The following FGF12 variants were observed in gnomAD, a reference collection of about 807,000 sequenced individuals.
The protein encoded by FGF12 is fibroblast growth factor 12B.
A neutral mutation model predicts 23.6 loss-of-function variants in FGF12; 14 were observed. The ratio of observed to expected loss-of-function variants is 0.59; its 90% CI spans 0.39 to 0.93. The LOEUF (loss-of-function observed/expected upper bound fraction) is 0.93. Among genes scored for constraint, FGF12 ranks in the 40% least tolerant of loss-of-function variants. The pLI is 0.00. For synonymous variants in FGF12, 62 were observed against 77.3 expected (o/e 0.80, Z 1.04); for missense variants, 175 against 217.8 (o/e 0.80, Z 1.24).
intron 2 of FGF12, among the ~76,000 whole-genome samples, chr3:192,430,558 G>C (rs1278038293): frequency 6.6e-6 from 1 of 152,176 alleles, no homozygotes; most frequent in African/African-American, 2.4e-5. Flanking sequence ...CAAAATGCCT[G>C]CAATTATTTC....
intron 2 of FGF12, among the ~76,000 whole-genome samples, chr3:192,472,452 G>A (rs1723202115): frequency 6.6e-6 from 1 of 152,026 alleles, no homozygotes; most frequent in South Asian, 2.1e-4. Flanking sequence ...TCCTAACACT[G>A]TCACTTCCAC....
chr3:192,388,579 A>AT (rs1720155768), intron 2 of FGF12, among the ~76,000 whole-genome samples: 1 of 152,192 alleles, frequency 6.6e-6, no homozygotes, highest in Non-Finnish European at 1.5e-5. Flanking sequence ...TAAGAAAGAT[A>AT]TATAACTTAT....
chr3:192,464,533 T>C (rs1308557567), intron 2 of FGF12, among the ~76,000 whole-genome samples: 1 of 151,124 alleles, frequency 6.6e-6, no homozygotes, highest in Non-Finnish European at 1.5e-5. Flanking sequence ...TGTGTGTGTG[T>C]GTGTGTGTGT....
intron 4 of FGF12, among the ~76,000 whole-genome samples, chr3:192,299,097 C>T (rs1715201940): frequency 6.6e-6 from 1 of 152,110 alleles, no homozygotes; most frequent in Non-Finnish European, 1.5e-5. Flanking sequence ...TTGAAGGGGA[C>T]AAATATCCAA....
chr3:192,418,211 C>T (rs767666021), intron 2 of FGF12, among the ~76,000 whole-genome samples: 16 of 152,058 alleles, frequency 1.1e-4, no homozygotes, highest in East Asian at 1.9e-4. Context: ...CTTTTGCTGC[C>T]GGTAATTAAT....
chr3:192,354,781 C>T (rs538278562), intron 3 of FGF12, among the ~76,000 whole-genome samples: 8 of 152,348 alleles, frequency 5.3e-5, no homozygotes, highest in Admixed American at 5.2e-4. Flanking sequence ...TCTCTGCTCA[C>T]TGCAACCTCC....
chr3:192,166,344 C>T (rs1005173342), intron 5 of FGF12, among the ~76,000 whole-genome samples: 1 of 152,132 alleles, frequency 6.6e-6, no homozygotes, highest in Non-Finnish European at 1.5e-5. Context: ...TCTGCAAGAA[C>T]TTTTATTTCT....
chr3:192,621,636 G>A (rs1714978044), intron 2 of FGF12, among the ~76,000 whole-genome samples: 1 of 136,938 alleles, frequency 7.3e-6, no homozygotes, highest in South Asian at 2.3e-4. Flanking sequence ...TTTGTTTAGG[G>A]AAGTAGCAGG....
chr3:192,437,669 C>T (rs1489766229), intron 2 of FGF12, among the ~76,000 whole-genome samples: 2 of 151,718 alleles, frequency 1.3e-5, no homozygotes, highest in African/African-American at 4.8e-5. Flanking sequence ...CCAGCCTGGG[C>T]GACAAAGCAA....
rs1713248903 is a variant in FGF12 at position 192,139,536 on chromosome 3, T to C, written c.*4473A>G. 3 of 152,150 alleles carry C rather than the reference T, an allele frequency of 2.0e-5. No individual in the cohort carries two copies. Among genetic ancestry groups the C allele is most frequent in the Non-Finnish European group, 2.9e-5 (2 of 67,976 alleles). The allele number at this position is 152,150 out of a possible 1,614,324, so 9.4% of individuals were successfully genotyped here. Reference sequence around the variant, plus strand: ...TTGGAGCTAATACCAATTCTAGCCATGGGAGTATGTTTTGGACTTTTTGAA... The same window carrying C: ...TTGGAGCTAATACCAATTCTAGCCACGGGAGTATGTTTTGGACTTTTTGAA... On this transcript the variant is annotated 3_prime_UTR_variant, in exon 6 of 6. Coordinates refer to ENST00000445105, the MANE Select transcript of FGF12 (RefSeq NM_004113.6).
In FGF12 at chr3:192,408,095, C is replaced by T. The variant is rs760933593; in HGVS notation, c.14-47557G>A. ...CTTTGCTGAACACCCCGAGGACGTG[C>T]CTCTCGCACAGGGAGCGCCCGTCTT... is the stretch of plus-strand genomic sequence containing the variant. On this transcript the variant is annotated intron_variant, in intron 2 of 5. Coordinates refer to ENST00000445105, the MANE Select transcript of FGF12 (RefSeq NM_004113.6). The surrounding 1 kb of genome is among the most constrained non-coding windows in gnomAD (Gnocchi z 7.3). 6.2e-7 allele frequency: 1 copy of T among 1,613,214 alleles called. No homozygotes were observed. Among genetic ancestry groups the T allele is most frequent in the African/African-American group, 1.3e-5 (1 of 75,074 alleles).
intron 4 of FGF12, among the ~76,000 whole-genome samples, chr3:192,304,082 A>C (rs1310338393): frequency 6.6e-6 from 1 of 152,188 alleles, no homozygotes; most frequent in Non-Finnish European, 1.5e-5. Flanking sequence ...GTTAACTAAC[A>C]ATTATTATCA....
intron 2 of FGF12, among the ~76,000 whole-genome samples, chr3:192,495,474 A>G (rs535578000): frequency 6.6e-6 from 1 of 152,178 alleles, no homozygotes; most frequent in Non-Finnish European, 1.5e-5. Flanking sequence ...TATATTATAT[A>G]TGTGTGTGTA....
intron 2 of FGF12, among the ~76,000 whole-genome samples, chr3:192,566,019 G>A (rs1712261732): frequency 6.6e-6 from 1 of 152,240 alleles, no homozygotes; most frequent in South Asian, 2.1e-4. Context: ...CCGGGAAGCA[G>A]AGGTTGCGGT....
At chr3:192,332,060 A>G (rs539116213) in intron 4 of FGF12, among the ~76,000 whole-genome samples, 2 of 152,270 alleles carry the variant, frequency 1.3e-5, no homozygotes, top group South Asian at 4.1e-4. Flanking sequence ...CACACAAACA[A>G]AAGTTCTATG....
chr3:192,615,575 G>A (rs746833830), intron 2 of FGF12, among the ~76,000 whole-genome samples: 13 of 152,056 alleles, frequency 8.5e-5, no homozygotes, highest in Admixed American at 3.9e-4. Flanking sequence ...TAAAACATAT[G>A]TATGACATGT....
intron 3 of FGF12, among the ~76,000 whole-genome samples, chr3:192,345,567 G>A (rs1454087670): frequency 6.4e-5 from 6 of 93,326 alleles, no homozygotes. Context: ...GGCGCCTGTA[G>A]TCCCAGCTAC....
At chr3:192,585,136 A>G (rs1316329324) in intron 2 of FGF12, among the ~76,000 whole-genome samples, 1 of 152,166 alleles carries the variant, frequency 6.6e-6, no homozygotes, top group African/African-American at 2.4e-5. Context: ...GGTGAATTCA[A>G]TATTTAAGGA....
rs146515950 is a variant in FGF12 at position 192,302,717 on chromosome 3, G to C, written c.228+32644C>G. Among the ~76,000 whole-genome samples, 17 of 152,326 alleles carry C rather than the reference G, an allele frequency of 1.1e-4. No individual in the cohort carries two copies. The East Asian group carries it at 3.3e-3, about 29-fold the overall frequency. ...CCTGGACATACAAAGGAAGAACTCT[G>C]AGACCACTAAGAAGGAAGTAAGTGT... On this transcript the variant is annotated intron_variant, in intron 4 of 5. Coordinates refer to ENST00000445105, the MANE Select transcript of FGF12 (RefSeq NM_004113.6).
Sources: gnomAD v4.1 joint callset for allele counts (sites outside exome capture counted in the v4.1 genomes callset) on GRCh38, gnomAD v4.1.1 for gene constraint, Gnocchi (gnomAD v3.1) non-coding constraint, MANE v1.5 for transcripts, NCBI Gene and HGNC (gene_info 2026-07-23, HGNC 2026-07-21) for gene names.